The following KCNH1 variants were observed in gnomAD, a reference collection of about 807,000 sequenced individuals.
The protein encoded by KCNH1 is potassium voltage-gated channel subfamily H member 1, also known as voltage-gated delayed rectifier potassium channel KCNH1.
In KCNH1, 27 loss-of-function variants were observed where a neutral mutation model predicts 69.2. The ratio of observed to expected loss-of-function variants is 0.39; its 90% confidence interval spans 0.29 to 0.54. The LOEUF (loss-of-function observed/expected upper bound fraction) is 0.54, where lower values mean the gene tolerates loss of function less well. KCNH1 is among the 20% of genes least tolerant of loss of function. KCNH1 has a pLI of 0.68. For synonymous variants in KCNH1, 456 were observed against 487.7 expected (o/e 0.93, Z 0.86); for missense variants, 798 against 1,261.6 (o/e 0.63, Z 5.57).
intron 7 of KCNH1, among the ~76,000 whole-genome samples, chr1:210,819,911 G>C (rs1684893990): frequency 6.6e-6 from 1 of 152,226 alleles, no homozygotes; most frequent in Non-Finnish European, 1.5e-5. Flanking sequence ...CGAAGCCAGT[G>C]GTCATGCCAT....
At chr1:211,044,071 A>T (rs1416419113) in intron 5 of KCNH1, among the ~76,000 whole-genome samples, 1 of 152,200 alleles carries the variant, frequency 6.6e-6, no homozygotes, top group African/African-American at 2.4e-5. Context: ...TCTTGAACAT[A>T]GTACTGGAAT....
chr1:211,132,045 G>T (rs1558617756), intron 1 of KCNH1, among the ~76,000 whole-genome samples: 1 of 152,116 alleles, frequency 6.6e-6, no homozygotes, highest in Non-Finnish European at 1.5e-5. Flanking sequence ...AAAACCCAAG[G>T]CATCTTGTGA....
At chr1:211,067,822 C>T (rs958560900) in intron 5 of KCNH1, among the ~76,000 whole-genome samples, 1 of 152,204 alleles carries the variant, frequency 6.6e-6, no homozygotes, top group African/African-American at 2.4e-5. Context: ...GTCAGGTAAA[C>T]CTGGTTCTCA....
chr1:211,050,614 G>C (rs1158909283), intron 5 of KCNH1, among the ~76,000 whole-genome samples: 1 of 152,142 alleles, frequency 6.6e-6, no homozygotes, highest in Non-Finnish European at 1.5e-5. Context: ...TTCCTATTTT[G>C]TTGAGAAATA....
chr1:210,792,829 TTATAAGA>T (rs1231976397), intron 9 of KCNH1, among the ~76,000 whole-genome samples: 2 of 152,140 alleles, frequency 1.3e-5, no homozygotes, highest in African/African-American at 4.8e-5. Context: ...AATATCGTAC[TTATAAGA>T]TAGAAATGCA....
At chr1:210,955,240 T>C (rs1688146990) in intron 6 of KCNH1, among the ~76,000 whole-genome samples, 1 of 152,154 alleles carries the variant, frequency 6.6e-6, no homozygotes, top group Admixed American at 6.5e-5. Context: ...CTGAGGCCTC[T>C]GTTCTGTTCT....
intron 5 of KCNH1, among the ~76,000 whole-genome samples, chr1:211,042,140 C>T (rs1366938786): frequency 1.3e-5 from 2 of 152,176 alleles, no homozygotes; most frequent in African/African-American, 2.4e-5. Context: ...TGGGTGAATT[C>T]TTCTCAACTT....
At chr1:211,027,357 A>T (rs975785617) in intron 5 of KCNH1, among the ~76,000 whole-genome samples, 39 of 152,136 alleles carry the variant, frequency 2.6e-4, no homozygotes, top group Non-Finnish European at 1.3e-4. Context: ...TCTAATCCTA[A>T]CATTTTGGAG....
rs373445476 is a variant in KCNH1, at chr1:210,950,553, A to C, written c.1033-30484T>G. ...TCCCTACAAAGGACATGAACTCATCATTTTTTATGGCTGCATAGTATTCCA... is the reference window on the plus strand; with the variant it reads ...TCCCTACAAAGGACATGAACTCATCCTTTTTTATGGCTGCATAGTATTCCA... On this transcript the variant is annotated intron_variant, in intron 6 of 10. Transcript: ENST00000271751. Among the ~76,000 whole-genome samples the C allele has an allele frequency of 1.5e-4, 22 of 151,034 alleles. 1 individual carries two copies. The highest frequency in any genetic ancestry group is 9.8e-4 in the East Asian group (5 of 5,120).
At chr1:211,031,942 A>T (rs866500084) in intron 5 of KCNH1, among the ~76,000 whole-genome samples, 8 of 152,216 alleles carry the variant, frequency 5.3e-5, no homozygotes, top group African/African-American at 1.7e-4. Context: ...AATAAAGGGT[A>T]TTCAATTAGG....
intron 10 of KCNH1, among the ~76,000 whole-genome samples, chr1:210,733,949 T>TCACA (rs142236390): frequency 0.017 from 1,406 of 80,448 alleles, 5 homozygotes; most frequent in African/African-American, 0.022. Flanking sequence ...TCTGTCTGTC[T>TCACA]CACACACACA....
chr1:210,908,140 T>C (rs1042224425), intron 7 of KCNH1, among the ~76,000 whole-genome samples: 1 of 152,210 alleles, frequency 6.6e-6, no homozygotes, highest in African/African-American at 2.4e-5. Flanking sequence ...TCAATCTCTG[T>C]GAGTGTCATC....
chr1:210,708,152 TGTCCCCCATTCAC>T (rs1681961126), intron 10 of KCNH1, among the ~76,000 whole-genome samples: 2 of 152,112 alleles, frequency 1.3e-5, no homozygotes, highest in African/African-American at 4.8e-5. Flanking sequence ...AAAGAAGGGG[TGTCCCCCATTCAC>T]CCTTTCTGGA....
chr1:210,940,652 T>C (rs185834291), intron 6 of KCNH1, among the ~76,000 whole-genome samples: 5 of 152,364 alleles, frequency 3.3e-5, no homozygotes, highest in Admixed American at 2.6e-4. Flanking sequence ...ATAAACTGCG[T>C]ATTCAGTTGT....
intron 7 of KCNH1, among the ~76,000 whole-genome samples, chr1:210,827,260 T>C (rs1417659195): frequency 6.6e-6 from 1 of 151,902 alleles, no homozygotes; most frequent in Middle Eastern, 3.2e-3. Flanking sequence ...TGCTTGAACC[T>C]GGGAGATGGA....
intron 7 of KCNH1, among the ~76,000 whole-genome samples, chr1:210,883,906 G>A (rs1425395186): frequency 6.6e-6 from 1 of 152,234 alleles, no homozygotes; most frequent in Non-Finnish European, 1.5e-5. Flanking sequence ...ATTAAACTTG[G>A]ATGGTGAAAC....
intron 1 of KCNH1, among the ~76,000 whole-genome samples, chr1:211,118,430 T>G (rs1466402435): frequency 2.0e-5 from 3 of 152,150 alleles, no homozygotes; most frequent in Non-Finnish European, 2.9e-5. Flanking sequence ...CATCTGAAAG[T>G]TCCCCTGCGT....
intron 6 of KCNH1, among the ~76,000 whole-genome samples, chr1:210,987,016 C>A (rs953404233): frequency 6.6e-6 from 1 of 152,184 alleles, no homozygotes; most frequent in Non-Finnish European, 1.5e-5. Flanking sequence ...CTTCCCTTCT[C>A]ACTTCATTTC....
intron 5 of KCNH1, among the ~76,000 whole-genome samples, chr1:211,064,535 T>G (rs572530941): frequency 4.7e-4 from 72 of 152,164 alleles, no homozygotes; most frequent in African/African-American, 1.7e-3. Context: ...CACTCCAGCC[T>G]GGGCAACAAA....
Sources: gnomAD v4.1 joint callset for allele counts (sites outside exome capture counted in the v4.1 genomes callset) on GRCh38, gnomAD v4.1.1 for gene constraint, MANE v1.5 for transcripts, NCBI Gene and HGNC (gene_info 2026-07-23, HGNC 2026-07-21) for gene names.